Variants in MOCS1 observed in about 807,000 individuals in gnomAD.
The protein encoded by MOCS1 is molybdenum cofactor synthesis 1, also known as molybdenum cofactor biosynthesis protein 1.
A neutral mutation model predicts 57.6 loss-of-function variants in MOCS1; 39 were observed. The ratio of observed to expected loss-of-function variants is 0.68; its 90% CI spans 0.52 to 0.88. The LOEUF (loss-of-function observed/expected upper bound fraction) is 0.88, where lower values mean the gene tolerates loss of function less well. MOCS1 is among the 40% of genes least tolerant of loss of function. The pLI is 0.00. For missense variants in MOCS1, 795 were observed against 831.1 expected (o/e 0.96, Z 0.53); for synonymous variants, 334 against 335.7 (o/e 1.00, Z 0.05).
intron 1 of MOCS1, 136 bp downstream of exon 1, chr6:39,934,159 G>C: frequency 8.3e-7 from 1 of 1,209,204 alleles, no homozygotes; most frequent in African/African-American, 1.6e-5. Context: ...GGAGAACATC[G>C]CTCCACTGAG....
At chr6:39,908,967 G>A (rs980226514) in intron 10 of MOCS1, 88 bp downstream of exon 10, 11 of 1,076,356 alleles carry the variant, frequency 1.0e-5, no homozygotes, top group Non-Finnish European at 1.3e-5. Flanking sequence ...ATGAAATGCA[G>A]GAGCTGGGGG....
rs188855912 is a variant in MOCS1 at position 39,904,446 on chromosome 6, G to T, written c.*1911C>A. The T allele has an allele frequency of 8.1e-3, 3,672 of 454,710 alleles. 17 individuals are homozygous for T. The highest frequency in any genetic ancestry group is 0.012 in the Non-Finnish European group (2,716 of 226,968). The allele number at this position is 454,710 out of a possible 1,614,324, so 28.2% of individuals were successfully genotyped here. A position where few individuals can be genotyped will look rare whatever the true frequency, so the allele number is the denominator to read the frequency against. On this transcript the variant is annotated 3_prime_UTR_variant, in exon 11 of 11. Transcript: ENST00000340692. Reference sequence around the variant, plus strand: ...CCTTAATAGGTTGTTTCTTGGTCTTGCTTTCTTCATGCCCTCCCCACTGCT... The same window carrying T: ...CCTTAATAGGTTGTTTCTTGGTCTTTCTTTCTTCATGCCCTCCCCACTGCT...
chr6:39,925,732 T>G lies in MOCS1; in HGVS notation c.364A>C (p.Ile122Leu). The change falls in exon 3 of 11, where the codon ATC (isoleucine) becomes CTC (leucine). Residue 122 changes from isoleucine (I) to leucine (L), a missense_variant. Coordinates refer to ENST00000340692, the MANE Select transcript of MOCS1 (RefSeq NM_001358530.2). ...RLFVKEGIDKIRLTGGEPLIR... is the reference protein window; with the variant it reads ...RLFVKEGIDKLRLTGGEPLIR... Reference sequence around the variant, plus strand: ...AGCGGCTCTCCACCTGTGAGCCGGATCTTGTCGATGCCTTCCTTCACAAAG... The same window carrying G: ...AGCGGCTCTCCACCTGTGAGCCGGAGCTTGTCGATGCCTTCCTTCACAAAG... 2 of 1,612,790 alleles carry G rather than the reference T, an allele frequency of 1.2e-6. No homozygotes were observed. The highest frequency in any genetic ancestry group is 1.7e-6 in the Non-Finnish European group (2 of 1,179,984).
At chr6:39,929,779 A>G (rs902266477) in intron 1 of MOCS1, among the ~76,000 whole-genome samples, 1 of 151,706 alleles carries the variant, frequency 6.6e-6, no homozygotes, top group Non-Finnish European at 1.5e-5. Context: ...CGTCTCTACT[A>G]AAAAATACAA....
In MOCS1 at chr6:39,912,366, T is replaced by G; in HGVS notation, c.879A>C (p.Lys293Asn). The change falls in exon 8 of 11, where the codon AAA becomes AAC. Residue 293 changes from lysine to asparagine, a missense_variant. Physicochemically the swap from Lys to Asn is moderately conservative, Grantham distance 94. Transcript: ENST00000340692. ...EEESSTAKAF[K>N]IPGFQGQISF... is the part of the protein sequence containing the mutation. Reference sequence around the variant, plus strand: ...TGATCTGGCCTTGGAAGCCAGGGATTTTAAAGGCCTGGGCAGGGGAGAGTG... The same window carrying G: ...TGATCTGGCCTTGGAAGCCAGGGATGTTAAAGGCCTGGGCAGGGGAGAGTG... 6.2e-7 allele frequency: 1 copy of G among 1,613,516 alleles called. No homozygotes were observed. Among genetic ancestry groups the G allele is most frequent in the Non-Finnish European group, 8.5e-7 (1 of 1,179,512 alleles).
At chr6:39,909,460 C>T (rs954196617) in intron 9 of MOCS1, among the ~76,000 whole-genome samples, 10 of 152,034 alleles carry the variant, frequency 6.6e-5, no homozygotes, top group Admixed American at 4.6e-4. Flanking sequence ...ATGTGCACTG[C>T]GAGGTCGCTC....
At position 39,907,090 on chromosome 6, in the gene MOCS1, G is replaced by A. The variant is rs1767008269; in HGVS notation, c.1178C>T (p.Pro393Leu). The A allele has an allele frequency of 6.2e-7, 1 of 1,612,776 alleles. No individual in the cohort carries two copies. Among genetic ancestry groups the A allele is most frequent in the Non-Finnish European group, 8.5e-7 (1 of 1,179,216 alleles). The change falls in exon 11 of 11, where the codon CCA becomes CTA. Residue 393 changes from proline to leucine, a missense_variant. Physicochemically the swap from Pro to Leu is moderately conservative, Grantham distance 98 (BLOSUM62 -3). Around this residue, in one of 3 missense-constraint regions of MOCS1, gnomAD observed 374 missense variants for 422.6 expected, o/e 0.89. Transcript: ENST00000340692. Reference protein sequence around the residue: ...IELFLMFPNSPPANPSIFSWD... With the variant: ...IELFLMFPNSLPANPSIFSWD... Reference sequence around the variant, plus strand: ...GGAGAAAATGCTTGGATTGGCTGGTGGGGAATTGGGGAACATCAAAAATAA... The same window carrying A: ...GGAGAAAATGCTTGGATTGGCTGGTAGGGAATTGGGGAACATCAAAAATAA...
chr6:39,910,003 C>T, intron 8 of MOCS1, 48 bp from the exon 9 acceptor site: 10 of 1,607,826 alleles, frequency 6.2e-6, no homozygotes, highest in Non-Finnish European at 8.5e-6. Flanking sequence ...TGAGCCTTGG[C>T]CTCCTGGCCT....
At chr6:39,925,932 G>T in intron 2 of MOCS1, 87 bp from the exon 3 acceptor site, 1 of 1,426,020 alleles carries the variant, frequency 7.0e-7, no homozygotes, top group Non-Finnish European at 9.5e-7. Context: ...CTCTCCATCA[G>T]GCCAAAGGCT....
At chr6:39,931,368 G>GA (rs1380679342) in intron 1 of MOCS1, among the ~76,000 whole-genome samples, 1 of 146,180 alleles carries the variant, frequency 6.8e-6, no homozygotes, top group Non-Finnish European at 1.5e-5. Context: ...TATTCGAGAG[G>GA]AAAAAAAGCA....
chr6:39,913,650 G>T, intron 5 of MOCS1, 124 bp downstream of exon 5: 1 of 1,153,746 alleles, frequency 8.7e-7, no homozygotes, highest in Non-Finnish European at 1.3e-6. Context: ...GAGGTGGAAG[G>T]GTGCACGTAC....
intron 10 of MOCS1, among the ~76,000 whole-genome samples, chr6:39,908,440 T>G (rs1767089596): frequency 6.6e-6 from 1 of 152,174 alleles, no homozygotes; most frequent in South Asian, 2.1e-4. Context: ...ACATAAGGAC[T>G]TAAAACCAGG....
In MOCS1 at chr6:39,906,156, C is replaced by G; in HGVS notation, c.*201G>C. 1.3e-6 allele frequency: 1 copy of G among 754,476 alleles called. No individual in the cohort carries two copies. Among genetic ancestry groups the G allele is most frequent in the South Asian group, 1.4e-5 (1 of 70,340 alleles). The allele number at this position is 754,476 out of a possible 1,614,324, so 46.7% of individuals were successfully genotyped here. On this transcript the variant is annotated 3_prime_UTR_variant, in exon 11 of 11. Transcript: ENST00000340692. ...GCTTAAGGGCCTGCTGGTATCCTCC[C>G]TATAGAAAGGAAGCCCCATTGGTCA...
chr6:39,927,859 A>G (rs1415249507), intron 1 of MOCS1: 1 of 813,496 alleles, frequency 1.2e-6, no homozygotes, highest in Admixed American at 3.4e-5. Context: ...GCAAGGCCCA[A>G]ACCCGTCCTG....
intron 1 of MOCS1, 127 bp from the exon 2 acceptor site, chr6:39,927,582 T>C: frequency 6.2e-7 from 1 of 1,608,056 alleles, no homozygotes. Context: ...TCCACATGTT[T>C]GGGCTCTGCA....
intron 3 of MOCS1, among the ~76,000 whole-genome samples, chr6:39,918,881 AAAAGG>A (rs1322123824): frequency 6.6e-6 from 1 of 152,244 alleles, no homozygotes; most frequent in African/African-American, 2.4e-5. Context: ...AGCTGTTTGA[AAAAGG>A]AAAGAGTTTC....
intron 1 of MOCS1, among the ~76,000 whole-genome samples, chr6:39,929,627 A>G (rs1400819893): frequency 6.6e-6 from 1 of 151,820 alleles, no homozygotes; most frequent in Non-Finnish European, 1.5e-5. Flanking sequence ...GAGAGCAAGC[A>G]GTGTGATGGA....
chr6:39,913,353 G>T lies in MOCS1; in HGVS notation c.721C>A (p.Leu241Met). ...ATATACTCTATGAAGCGCACATCCA[G>T]GGGGAGGCCCTCAGTCAAGGCCGCA... ...DFAALTEGLPLDVRFIEYMPF... is the reference protein window; with the variant it reads ...DFAALTEGLPMDVRFIEYMPF... Residue 241 changes from leucine (L) to methionine (M), a missense_variant, in exon 6 of 11, where the codon CTG becomes ATG. Leu to Met is a conservative substitution (Grantham distance 15). Coordinates refer to ENST00000340692, the MANE Select transcript of MOCS1 (RefSeq NM_001358530.2). 1 of 1,614,168 alleles carries T rather than the reference G, an allele frequency of 6.2e-7. No individual in the cohort carries two copies. Among genetic ancestry groups the T allele is most frequent in the South Asian group, 1.1e-5 (1 of 91,088 alleles).
chr6:39,925,024 G>T (rs546508236), intron 3 of MOCS1, among the ~76,000 whole-genome samples: 1 of 152,296 alleles, frequency 6.6e-6, no homozygotes, highest in Admixed American at 6.5e-5. Context: ...AGGTTGCAGT[G>T]AGCCGAGATC....
Sources: gnomAD v4.1 joint callset for allele counts (sites outside exome capture counted in the v4.1 genomes callset) on GRCh38, gnomAD v4.1.1 for gene constraint, gnomAD v4.1.1 regional missense constraint, MANE v1.5 for transcripts, NCBI Gene and HGNC (gene_info 2026-07-23, HGNC 2026-07-21) for gene names.